RIT2: variants seen among roughly 807,000 people sequenced by gnomAD.
RIT2 encodes Ras like without CAAX 2, also known as GTP-binding protein Rit2.
A neutral mutation model predicts 23.7 loss-of-function variants in RIT2; 24 were observed. The observed-to-expected ratio is 1.01, with a 90% confidence interval of 0.73 to 1.43. The LOEUF is 1.43. Among genes scored for constraint, RIT2 ranks in the 40% most tolerant of loss-of-function variants. The pLI is 0.00. For missense variants in RIT2, 236 were observed against 266.9 expected (o/e 0.88, Z 0.81); for synonymous variants, 107 against 91.1 (o/e 1.17, Z -0.99).
intron 1 of RIT2, among the ~76,000 whole-genome samples, chr18:43,083,247 A>G (rs1913200611): frequency 6.6e-6 from 1 of 152,200 alleles, no homozygotes; most frequent in Non-Finnish European, 1.5e-5. Flanking sequence ...AACAAATGGA[A>G]AAACATTCCA....
At chr18:43,010,733 C>T (rs964158906) in intron 2 of RIT2, among the ~76,000 whole-genome samples, 10 of 151,708 alleles carry the variant, frequency 6.6e-5, no homozygotes, top group Non-Finnish European at 1.5e-4. Context: ...TGCACCCACA[C>T]ACACACATAC....
intron 4 of RIT2, among the ~76,000 whole-genome samples, chr18:42,856,825 C>CTTTTTTTTTTTTTTT (rs760595125): frequency 1.2e-4 from 15 of 128,006 alleles, no homozygotes; most frequent in African/African-American, 4.9e-4. Flanking sequence ...TTCTCTCTCT[C>CTTTTTTTTTTTTTTT]TCTTTTTTTT....
chr18:43,032,334 T>C (rs1337873381), intron 2 of RIT2, among the ~76,000 whole-genome samples: 1 of 152,026 alleles, frequency 6.6e-6, no homozygotes, highest in African/African-American at 2.4e-5. Context: ...GAGAGGTTGA[T>C]GAACAAGAGG....
chr18:43,011,975 C>T (rs955865201), intron 2 of RIT2, among the ~76,000 whole-genome samples: 9 of 151,868 alleles, frequency 5.9e-5, no homozygotes, highest in East Asian at 2.0e-4. Flanking sequence ...TATTTAAGGT[C>T]GGGAGAGCTT....
chr18:42,963,447 G>C (rs16977159), intron 3 of RIT2, among the ~76,000 whole-genome samples: 1 of 152,100 alleles, frequency 6.6e-6, no homozygotes, highest in South Asian at 2.1e-4. Flanking sequence ...CTCATTCAAG[G>C]CTTGAGGAAT....
chr18:42,902,944 A>C (rs897558760), intron 4 of RIT2, among the ~76,000 whole-genome samples: 3 of 151,864 alleles, frequency 2.0e-5, no homozygotes, highest in Non-Finnish European at 4.4e-5. Context: ...AAATGTATTT[A>C]TATATTATTT....
chr18:42,894,869 G>A lies in RIT2; in HGVS notation c.426+28703C>T, dbSNP rs1368044817. ...TCAGCACTAACCATAATTGCTCTAT[G>A]CATAGAGAAGTAGTTTTAGTAGAGG... On this transcript the variant is annotated intron_variant, in intron 4 of 4. Coordinates refer to ENST00000326695, the MANE Select transcript of RIT2 (RefSeq NM_002930.4). Among the ~76,000 whole-genome samples the A allele has an allele frequency of 2.0e-5, 3 of 152,204 alleles. No individual in the cohort carries two copies. In the East Asian group the frequency reaches 5.8e-4, roughly 29 times the overall value.
intron 4 of RIT2, among the ~76,000 whole-genome samples, chr18:42,799,120 T>C (rs903601079): frequency 2.0e-5 from 3 of 152,202 alleles, no homozygotes; most frequent in African/African-American, 7.2e-5. Flanking sequence ...GGCATCTCTG[T>C]CAGGACTTCA....
In RIT2 at chr18:42,862,239, T is replaced by C. The variant is rs183477883; in HGVS notation, c.426+61333A>G. ...AGCGAGTTCTCATGAGATCTGATGG[T>C]TTAAAAGTGGCACTTCTCCCTTCAC... On this transcript the variant is annotated intron_variant, in intron 4 of 4. Transcript: ENST00000326695. 3.9e-5 allele frequency among the ~76,000 whole-genome samples: 6 copies of C among 152,034 alleles called. No homozygotes were observed. In the East Asian group the frequency reaches 1.2e-3, roughly 30 times the overall value.
intron 3 of RIT2, among the ~76,000 whole-genome samples, chr18:42,927,149 A>C (rs1909200142): frequency 6.6e-6 from 1 of 151,974 alleles, no homozygotes; most frequent in African/African-American, 2.4e-5. Context: ...ACAGGCATGA[A>C]ATCCTCTTTT....
chr18:43,084,223 C>A (rs1273960231), intron 1 of RIT2, among the ~76,000 whole-genome samples: 2 of 151,998 alleles, frequency 1.3e-5, no homozygotes, highest in Admixed American at 1.3e-4. Context: ...ATCATCAAAA[C>A]CTCAAGAAAC....
intron 1 of RIT2, among the ~76,000 whole-genome samples, chr18:43,037,504 T>C (rs746667889): frequency 6.6e-6 from 1 of 152,162 alleles, no homozygotes; most frequent in Non-Finnish European, 1.5e-5. Context: ...CTGGATTTTT[T>C]GTACCAATTT....
At chr18:43,094,123 G>GTTTTTTTTTT (rs376144367) in intron 1 of RIT2, among the ~76,000 whole-genome samples, 123 of 115,816 alleles carry the variant, frequency 1.1e-3, no homozygotes, top group Middle Eastern at 5.4e-3. Flanking sequence ...GGTTTTTTTT[G>GTTTTTTTTTT]TTTTTTTTTT....
intron 1 of RIT2, among the ~76,000 whole-genome samples, chr18:43,045,078 A>G (rs1287937122): frequency 1.3e-5 from 2 of 152,164 alleles, no homozygotes; most frequent in Non-Finnish European, 2.9e-5. Context: ...TTTCTCAAGT[A>G]TTTTATCATT....
intron 4 of RIT2, among the ~76,000 whole-genome samples, chr18:42,772,445 C>A (rs1238056943): frequency 2.6e-5 from 4 of 152,168 alleles, no homozygotes; most frequent in Admixed American, 6.5e-5. Context: ...AACCCTCCAA[C>A]CTTTTGTTCT....
intron 4 of RIT2, among the ~76,000 whole-genome samples, chr18:42,916,334 T>C (rs1160542942): frequency 6.6e-6 from 1 of 152,150 alleles, no homozygotes; most frequent in Non-Finnish European, 1.5e-5. Context: ...ATCTTTTGTA[T>C]GTGTCTGTTG....
In RIT2 at chr18:42,804,605, A is replaced by G. The variant is rs765438210; in HGVS notation, c.427-60885T>C. Among the ~76,000 whole-genome samples, 206 of 151,814 alleles carry G rather than the reference A, an allele frequency of 1.4e-3. 3 individuals carry two copies. The highest frequency in any genetic ancestry group is 3.2e-4 in the Non-Finnish European group (22 of 67,944). On this transcript the variant is annotated intron_variant, in intron 4 of 4. Coordinates refer to ENST00000326695, the MANE Select transcript of RIT2 (RefSeq NM_002930.4). ...AAAAAAATTGAAAAAAAAAGAAATTAAAGATAAATGCATTCTAGGTATCCC... is the reference window on the plus strand; with the variant it reads ...AAAAAAATTGAAAAAAAAAGAAATTGAAGATAAATGCATTCTAGGTATCCC...
intron 4 of RIT2, among the ~76,000 whole-genome samples, chr18:42,748,137 T>C (rs894282774): frequency 9.2e-5 from 14 of 151,484 alleles, no homozygotes; most frequent in African/African-American, 2.2e-4. Flanking sequence ...TGCAATCCCA[T>C]AGAGTGGAAG....
At chr18:42,868,534 T>C (rs887006339) in intron 4 of RIT2, among the ~76,000 whole-genome samples, 1 of 152,218 alleles carries the variant, frequency 6.6e-6, no homozygotes, top group Non-Finnish European at 1.5e-5. Context: ...ATTATTTCAT[T>C]ACAAAAAATT....
Sources: allele counts gnomAD v4.1 joint callset (sites outside exome capture counted in the v4.1 genomes callset), GRCh38; gene constraint gnomAD v4.1.1; transcripts MANE v1.5; gene names NCBI Gene and HGNC (gene_info 2026-07-23, HGNC 2026-07-21).